Variants in POLK observed in about 807,000 individuals in gnomAD.
The protein encoded by POLK is DNA polymerase kappa.
In POLK, 76 loss-of-function variants were observed where a neutral mutation model predicts 94.0. The ratio of observed to expected loss-of-function variants is 0.81; its 90% CI spans 0.67 to 0.98. POLK has a LOEUF of 0.98. POLK is among the 50% of genes least tolerant of loss of function. POLK has a pLI of 0.00. For missense variants in POLK, 954 were observed against 1,010.1 expected (o/e 0.94, Z 0.75); for synonymous variants, 349 against 325.4 (o/e 1.07, Z -0.78).
chr5:75,560,513 TA>T (rs1367339414), intron 3 of POLK, among the ~76,000 whole-genome samples: 1 of 152,166 alleles, frequency 6.6e-6, no homozygotes, highest in Non-Finnish European at 1.5e-5. Flanking sequence ...TTTGTTTCTT[TA>T]AAAAAATTTG....
At chr5:75,536,524 C>T (rs539637143) in intron 1 of POLK, among the ~76,000 whole-genome samples, 15 of 152,144 alleles carry the variant, frequency 9.9e-5, no homozygotes, top group Admixed American at 3.9e-4. Context: ...GCTGTACCCC[C>T]GGCAAATTCA....
chr5:75,525,644 T>C (rs1044223510), intron 1 of POLK, among the ~76,000 whole-genome samples: 1 of 152,198 alleles, frequency 6.6e-6, no homozygotes, highest in African/African-American at 2.4e-5. Context: ...GCCACAACTT[T>C]CTCAAAATAG....
In POLK at chr5:75,601,052, A is replaced by T. The variant is rs561223978; in HGVS notation, c.*3034A>T. 5 of 152,124 alleles carry T rather than the reference A, an allele frequency of 3.3e-5. No homozygotes were observed. In the East Asian group the frequency reaches 9.7e-4, roughly 29 times the overall value. The allele number at this position is 152,124 out of a possible 1,614,324, so 9.4% of individuals were successfully genotyped here. A position where few individuals can be genotyped will look rare whatever the true frequency, so the allele number is the denominator to read the frequency against. On this transcript the variant is annotated 3_prime_UTR_variant, in exon 15 of 15. Coordinates refer to ENST00000241436, the Ensembl canonical transcript of POLK. ...CTTGTCTTGGGTGGTGATTGCATGG[A>T]TGTTCACTTTTAAAATACTCTTTAT...
exon 8 of POLK, chr5:75,583,372 T>C (rs756128225): frequency 3.1e-6 from 5 of 1,605,800 alleles, no homozygotes; most frequent in Middle Eastern, 1.7e-4. Flanking sequence ...TTCTTCCCAA[T>C]AGACAAGCTG....
exon 15 of POLK, chr5:75,598,327 A>G (rs941949279): frequency 6.2e-6 from 1 of 160,680 alleles, no homozygotes; most frequent in Admixed American, 6.5e-5. Flanking sequence ...ATATAAAAAC[A>G]TTTGTAAGGG....
chr5:75,528,639 T>C lies in POLK; in HGVS notation c.-14+16725T>C, dbSNP rs1205547216. Among the ~76,000 whole-genome samples the C allele has an allele frequency of 1.3e-5, 2 of 148,406 alleles. 1 individual carries two copies. Among genetic ancestry groups the C allele is most frequent in the South Asian group, 4.3e-4 (2 of 4,656 alleles). ...CCAGTTTGGGCAACATAGCAAGAAC[T>C]CCACTCTACCAAAAAAAAAAAAAAA... On this transcript the variant is annotated intron_variant, in intron 1 of 14. Coordinates refer to ENST00000241436, the Ensembl canonical transcript of POLK.
chr5:75,593,811 C>G, intron 11 of POLK, 67 bp from the exon 12 acceptor site: 2 of 965,262 alleles, frequency 2.1e-6, no homozygotes, highest in Non-Finnish European at 3.0e-6. Context: ...CCAGCGCACT[C>G]CAGCATGGAC....
chr5:75,596,946 G>C, exon 13 of POLK: 1 of 1,613,514 alleles, frequency 6.2e-7, no homozygotes, highest in Non-Finnish European at 8.5e-7. Context: ...CTGTTTCATT[G>C]GAAAACGAAG....
chr5:75,578,632 G>C (rs1177951641), intron 6 of POLK, among the ~76,000 whole-genome samples: 1 of 152,090 alleles, frequency 6.6e-6, no homozygotes, highest in Non-Finnish European at 1.5e-5. Context: ...CTGTGGGCTG[G>C]ACTTTCAGGC....
At chr5:75,511,995 C>A in intron 1 of POLK, 81 bp downstream of exon 1, 1 of 585,802 alleles carries the variant, frequency 1.7e-6, no homozygotes. Context: ...AGTTGCGTGA[C>A]CAGCCCCTCG....
intron 9 of POLK, among the ~76,000 whole-genome samples, chr5:75,586,393 A>G (rs1205511486): frequency 6.6e-6 from 1 of 152,172 alleles, no homozygotes; most frequent in Non-Finnish European, 1.5e-5. Context: ...CTATATCCTC[A>G]AGTTCTAGAA....
chr5:75,523,933 C>T (rs112904101), intron 1 of POLK, among the ~76,000 whole-genome samples: 1 of 151,992 alleles, frequency 6.6e-6, no homozygotes, highest in African/African-American at 2.4e-5. Flanking sequence ...AGTTCAAGAC[C>T]AGCCTGGCCA....
At chr5:75,574,272 A>G (rs1771750603) in intron 5 of POLK, among the ~76,000 whole-genome samples, 1 of 152,168 alleles carries the variant, frequency 6.6e-6, no homozygotes, top group Admixed American at 6.6e-5. Flanking sequence ...TTACTTATTA[A>G]TGTTGTTAAA....
intron 2 of POLK, among the ~76,000 whole-genome samples, chr5:75,552,027 T>A (rs926731044): frequency 6.6e-5 from 10 of 152,188 alleles, no homozygotes; most frequent in Non-Finnish European, 8.8e-5. Flanking sequence ...GATGGGCAGT[T>A]TTTTGAATTA....
chr5:75,575,619 AT>A (rs1477399761), intron 5 of POLK, among the ~76,000 whole-genome samples: 1 of 152,192 alleles, frequency 6.6e-6, no homozygotes, highest in East Asian at 1.9e-4. Flanking sequence ...AGTACTTCTC[AT>A]TCAGAATCTT....
downstream of POLK, among the ~76,000 whole-genome samples, chr5:75,604,811 C>A (rs754890472): frequency 2.0e-5 from 3 of 152,168 alleles, no homozygotes; most frequent in African/African-American, 2.4e-5. Context: ...AAAAACTGTT[C>A]TTTAATTGTA....
intron 1 of POLK, among the ~76,000 whole-genome samples, chr5:75,540,863 C>G (rs1769702219): frequency 6.6e-6 from 1 of 152,254 alleles, no homozygotes; most frequent in South Asian, 2.1e-4. Context: ...AAACAATCAA[C>G]TCCTATAAGA....
At chr5:75,537,738 T>A (rs1053120760) in intron 1 of POLK, among the ~76,000 whole-genome samples, 11 of 152,258 alleles carry the variant, frequency 7.2e-5, no homozygotes, top group Middle Eastern at 3.2e-3. Context: ...TGTGAAGTAT[T>A]ATTGAAAGTA....
intron 1 of POLK, among the ~76,000 whole-genome samples, chr5:75,527,959 G>T (rs1768954066): frequency 6.6e-6 from 1 of 152,076 alleles, no homozygotes; most frequent in Admixed American, 6.6e-5. Context: ...GTGTAACACT[G>T]CACAGCCATT....
Sources: allele counts gnomAD v4.1 joint callset (sites outside exome capture counted in the v4.1 genomes callset), GRCh38; gene constraint gnomAD v4.1.1; transcripts MANE v1.5; gene names NCBI Gene and HGNC (gene_info 2026-07-23, HGNC 2026-07-21).